The following AGFG1 variants were observed in gnomAD, a reference collection of about 807,000 sequenced individuals.
The protein encoded by AGFG1 is arf-GAP domain and FG repeat-containing protein 1.
In AGFG1, 10 loss-of-function variants were observed where a neutral mutation model predicts 60.6. That is an observed-to-expected ratio of 0.16 (90% CI 0.10 to 0.28). The LOEUF (loss-of-function observed/expected upper bound fraction) is 0.28. AGFG1 is among the 10% of genes least tolerant of loss of function. The pLI, the probability that AGFG1 is intolerant of heterozygous loss-of-function variation, is 1.00. For missense variants in AGFG1, 537 were observed against 676.5 expected (o/e 0.79, Z 2.29); for synonymous variants, 247 against 242.9 (o/e 1.02, Z -0.16).
In AGFG1 at chr2:227,536,958, C is replaced by T. The variant is rs1692332912; in HGVS notation, c.1343C>T (p.Thr448Ile). Residue 448 changes from threonine to isoleucine, a missense_variant, in exon 10 of 13, where the codon ACA (threonine) becomes ATA (isoleucine). Thr to Ile is a moderately conservative substitution (Grantham distance 89). This residue lies in a region of AGFG1 where 287 missense variants were observed against 343.6 expected (regional missense o/e 0.84). Coordinates refer to ENST00000310078, the MANE Select transcript of AGFG1 (RefSeq NM_004504.5). Reference sequence around the variant, plus strand: ...GCTGGTCCTTCTGTGGCATCTTCTACAAACCCATTTCAGACCAATGCCAGA... The same window carrying T: ...GCTGGTCCTTCTGTGGCATCTTCTATAAACCCATTTCAGACCAATGCCAGA... ...AAAGPSVASS[T>I]NPFQTNARGA... 6.2e-7 allele frequency: 1 copy of T among 1,613,038 alleles called. No individual in the cohort carries two copies. The highest frequency in any genetic ancestry group is 1.3e-5 in the African/African-American group (1 of 74,912).
intron 1 of AGFG1, among the ~76,000 whole-genome samples, chr2:227,475,288 A>G (rs1468544720): frequency 1.3e-5 from 2 of 152,238 alleles, no homozygotes; most frequent in Admixed American, 6.5e-5. Flanking sequence ...CGTTGGTCCA[A>G]TACTTTCAGA....
chr2:227,528,045 A>G (rs1449806314), intron 5 of AGFG1, among the ~76,000 whole-genome samples: 1 of 152,118 alleles, frequency 6.6e-6, no homozygotes, highest in Non-Finnish European at 1.5e-5. Flanking sequence ...TGATAATATG[A>G]AGTATATTAT....
rs888808079 is a variant in AGFG1, at chr2:227,556,694, G to C, written c.*2199G>C. On this transcript the variant is annotated 3_prime_UTR_variant, in exon 13 of 13. Coordinates refer to ENST00000310078, the MANE Select transcript of AGFG1 (RefSeq NM_004504.5). ...TTTTAAAGACTATTTCTTTTTCTGG[G>C]TAACTATTGAAGTTTGTAATTAAAT... The C allele has an allele frequency of 6.6e-6, 1 of 152,468 alleles. No individual in the cohort carries two copies. The highest frequency in any genetic ancestry group is 2.4e-5 in the African/African-American group (1 of 41,392). The allele number at this position is 152,468 out of a possible 1,614,324, so 9.4% of individuals were successfully genotyped here. A position where few individuals can be genotyped will look rare whatever the true frequency, so the allele number is the denominator to read the frequency against.
At position 227,488,219 on chromosome 2, in the gene AGFG1, T is replaced by A. The variant is rs113113040; in HGVS notation, c.168-3328T>A. 7.5e-4 allele frequency among the ~76,000 whole-genome samples: 114 copies of A among 152,242 alleles called. 2 individuals carry two copies. The highest frequency in any genetic ancestry group is 3.9e-4 in the Admixed American group (6 of 15,286). On this transcript the variant is annotated intron_variant, in intron 1 of 12. Transcript: ENST00000310078. ...TACTTGTTTCATAAGTTCAAAATGT[T>A]CACTTATTTAGGTAATATGAATACC...
chr2:227,517,706 C>G (rs1346172206), intron 2 of AGFG1, among the ~76,000 whole-genome samples: 4 of 152,180 alleles, frequency 2.6e-5, no homozygotes, highest in Admixed American at 6.5e-5. Context: ...CTTTTCCTTC[C>G]CTGATTTCTT....
chr2:227,550,822 T>A (rs1010643199), intron 10 of AGFG1, among the ~76,000 whole-genome samples: 9 of 152,174 alleles, frequency 5.9e-5, no homozygotes, highest in African/African-American at 2.2e-4. Context: ...ATGAACAAAT[T>A]GGTAAATTTG....
chr2:227,547,856 GA>G (rs1359821927), intron 10 of AGFG1, among the ~76,000 whole-genome samples: 1 of 152,096 alleles, frequency 6.6e-6, no homozygotes, highest in Non-Finnish European at 1.5e-5. Context: ...TACCAAAGAG[GA>G]ATGAAAACAT....
At chr2:227,543,007 C>G (rs1374945619) in intron 10 of AGFG1, among the ~76,000 whole-genome samples, 1 of 152,106 alleles carries the variant, frequency 6.6e-6, no homozygotes, top group African/African-American at 2.4e-5. Flanking sequence ...GTGATACCCC[C>G]TTTATCATTT....
At position 227,472,600 on chromosome 2, in the gene AGFG1, G is replaced by A; in HGVS notation, c.167+12G>A. On this transcript the variant is annotated intron_variant, in intron 1 of 12. Coordinates refer to ENST00000310078, the MANE Select transcript of AGFG1 (RefSeq NM_004504.5). ...TGCTCCGGCAGCCTGTGAGTGCGGG[G>A]CGGCCGGGCGGGTGTCGGGCCCTTC... is the stretch of plus-strand genomic sequence containing the variant. 2 of 1,566,396 alleles carry A rather than the reference G, an allele frequency of 1.3e-6. No homozygotes were observed. Among genetic ancestry groups the A allele is most frequent in the Non-Finnish European group, 8.6e-7 (1 of 1,156,648 alleles).
intron 4 of AGFG1, 99 bp downstream of exon 4, chr2:227,524,024 C>G: frequency 8.6e-7 from 1 of 1,157,640 alleles, no homozygotes; most frequent in Non-Finnish European, 1.2e-6. Context: ...ATCTTGTATG[C>G]CAGTAGCATT....
chr2:227,549,884 A>G (rs1692770008), intron 10 of AGFG1, among the ~76,000 whole-genome samples: 1 of 152,184 alleles, frequency 6.6e-6, no homozygotes, highest in East Asian at 1.9e-4. Flanking sequence ...GGTCATGAAG[A>G]TGGTTGAAAT....
At chr2:227,500,868 C>G (rs1196935983) in intron 2 of AGFG1, among the ~76,000 whole-genome samples, 1 of 152,122 alleles carries the variant, frequency 6.6e-6, no homozygotes, top group Non-Finnish European at 1.5e-5. Context: ...TCTTGGCTCA[C>G]TGCAACCACT....
At chr2:227,476,873 G>A (rs969355474) in intron 1 of AGFG1, among the ~76,000 whole-genome samples, 1 of 150,434 alleles carries the variant, frequency 6.6e-6, no homozygotes, top group African/African-American at 2.4e-5. Flanking sequence ...AGAGTAAGTG[G>A]CCAAAATATT....
intron 1 of AGFG1, among the ~76,000 whole-genome samples, chr2:227,484,543 T>C (rs1690562237): frequency 6.6e-6 from 1 of 152,164 alleles, no homozygotes; most frequent in Admixed American, 6.5e-5. Flanking sequence ...AGTTGGATGT[T>C]ACTGTAATAA....
In AGFG1 at chr2:227,552,037, T is replaced by G. The variant is rs750455992; in HGVS notation, c.1457T>G (p.Phe486Cys). ...GCTCCCTACAGTCTTCCCACCAGCTTTAGTGGCAGCTTTCAGCAGCCTGCC... is the reference window on the plus strand; with the variant it reads ...GCTCCCTACAGTCTTCCCACCAGCTGTAGTGGCAGCTTTCAGCAGCCTGCC... ...TPAPYSLPTS[F>C]SGSFQQPAFP... The change falls in exon 11 of 13, where the codon TTT becomes TGT. Residue 486 changes from phenylalanine to cysteine, a missense_variant. Coordinates refer to ENST00000310078, the MANE Select transcript of AGFG1 (RefSeq NM_004504.5). The G allele has an allele frequency of 6.2e-7, 1 of 1,614,148 alleles. No individual in the cohort carries two copies. Among genetic ancestry groups the G allele is most frequent in the Non-Finnish European group, 8.5e-7 (1 of 1,180,030 alleles).
In AGFG1 at chr2:227,558,497, A is replaced by T. The variant is rs1215756573; in HGVS notation, c.*4002A>T. 3 of 152,138 alleles carry T rather than the reference A, an allele frequency of 2.0e-5. No homozygotes were observed. The highest frequency in any genetic ancestry group is 4.4e-5 in the Non-Finnish European group (3 of 68,020). 9.4% of individuals were successfully genotyped at this position (152,138 alleles called of 1,614,324 possible). A position where few individuals can be genotyped will look rare whatever the true frequency, so the allele number is the denominator to read the frequency against. ...ATCACAGACTCCTATTTTGTAAAGC[A>T]TTCCACCTTTATTGATACAGTTTGT... On this transcript the variant is annotated 3_prime_UTR_variant, in exon 13 of 13. Coordinates refer to ENST00000310078, the MANE Select transcript of AGFG1 (RefSeq NM_004504.5).
At position 227,475,523 on chromosome 2, in the gene AGFG1, A is replaced by G. The variant is rs1011057767; in HGVS notation, c.167+2935A>G. 2.6e-5 allele frequency among the ~76,000 whole-genome samples: 4 copies of G among 152,236 alleles called. No individual in the cohort carries two copies. In the South Asian group the frequency reaches 6.2e-4, roughly 24 times the overall value. On this transcript the variant is annotated intron_variant, in intron 1 of 12. Coordinates refer to ENST00000310078, the MANE Select transcript of AGFG1 (RefSeq NM_004504.5). The stretch of plus-strand genomic sequence containing the variant: ...TGAAGATTTTTTTCTTTGACAAGCA[A>G]TAGTGCAGGAAAATAATTTAGGAAG...
rs1477527485 is a variant in AGFG1, at chr2:227,535,034, T to C, written c.1205+9T>C. 6.3e-7 allele frequency: 1 copy of C among 1,586,248 alleles called. No homozygotes were observed. Among genetic ancestry groups the C allele is most frequent in the African/African-American group, 1.4e-5 (1 of 73,998 alleles). ...ACAAGTAATGCTAGCAGGTACCTTG[T>C]CTTAGCTAGCCCTCCTGCTTTGTGT... On this transcript the variant is annotated intron_variant, in intron 8 of 12. Transcript: ENST00000310078.
intron 2 of AGFG1, among the ~76,000 whole-genome samples, chr2:227,491,907 C>A (rs1231625740): frequency 6.6e-6 from 1 of 152,044 alleles, no homozygotes; most frequent in Non-Finnish European, 1.5e-5. Context: ...TCGGAGGACA[C>A]CCATTATTAC....
Sources: gnomAD v4.1 joint callset for allele counts (sites outside exome capture counted in the v4.1 genomes callset) on GRCh38, gnomAD v4.1.1 for gene constraint, gnomAD v4.1.1 regional missense constraint, MANE v1.5 for transcripts, NCBI Gene and HGNC (gene_info 2026-07-23, HGNC 2026-07-21) for gene names.